SNX1: variants seen among roughly 807,000 people sequenced by gnomAD.
SNX1 encodes the protein sorting nexin-1.
A neutral mutation model predicts 71.8 loss-of-function variants in SNX1; 36 were observed. That is an observed-to-expected ratio of 0.50 (90% CI 0.38 to 0.66). SNX1 has a LOEUF of 0.66. SNX1 is among the 30% of genes least tolerant of loss of function. SNX1 has a pLI of 0.00. For synonymous variants in SNX1, 254 were observed against 240.7 expected, an observed-to-expected ratio of 1.06 and a Z score of -0.51; for missense variants, 612 against 646.7, an observed-to-expected ratio of 0.95 and a Z score of 0.58.
intron 12 of SNX1, chr15:64,135,062 C>T (rs1240282601): frequency 2.2e-6 from 1 of 461,062 alleles, no homozygotes; most frequent in Non-Finnish European, 3.8e-6. Flanking sequence ...GCCTGTAATC[C>T]TAGCACTTTG....
In SNX1 at chr15:64,134,580, G is replaced by A. The variant is rs2081337806; in HGVS notation, c.1222-84G>A. ...CCTTGCTCAGTCTGTCCCTGGTGCA[G>A]CTGCTGGGAGAGCCTGCCTCGAGGC... On this transcript the variant is annotated intron_variant, in intron 11 of 14. Coordinates refer to ENST00000559844, the MANE Select transcript of SNX1 (RefSeq NM_003099.5). This position sits in a 1 kb window ranked among gnomAD's most constrained non-coding sequence, Gnocchi z 4.1. The A allele has an allele frequency of 3.3e-6, 5 of 1,501,380 alleles. No individual in the cohort carries two copies. In the South Asian group the frequency reaches 6.5e-5, roughly 19 times the overall value. 93.0% of individuals were successfully genotyped at this position (1,501,380 alleles called of 1,614,324 possible).
At chr15:64,135,682 C>T (rs1015796952) in intron 12 of SNX1, among the ~76,000 whole-genome samples, 1 of 148,816 alleles carries the variant, frequency 6.7e-6, no homozygotes. Flanking sequence ...TCGCTTGAAC[C>T]TGGGAGGCGA....
Position 64,138,255 on chromosome 15 carries a change from CTT to C in SNX1, c.*638_*639del. 9.1e-6 allele frequency: 13 copies of C among 1,433,450 alleles called. No homozygotes were observed. Among genetic ancestry groups the C allele is most frequent in the Non-Finnish European group, 1.2e-5 (13 of 1,095,542 alleles). 88.8% of individuals were successfully genotyped at this position (1,433,450 alleles called of 1,614,324 possible). A position where few individuals can be genotyped will look rare whatever the true frequency, so the allele number is the denominator to read the frequency against. On this transcript the variant is annotated 3_prime_UTR_variant, in exon 15 of 15. Transcript: ENST00000559844. ...TAGGGAAGGAGTTTTAAAAACATCT[CTT>C]AAAATAAGAGGAGCAAAATCTATTA...
chr15:64,100,604 C>CAA (rs34663775), intron 1 of SNX1, among the ~76,000 whole-genome samples: 1,408 of 101,764 alleles, frequency 0.014, 21 homozygotes, highest in South Asian at 0.021. Flanking sequence ...AACTCCATCT[C>CAA]AAAAAAAAAA....
chr15:64,104,371 C>G (rs1410308525), intron 1 of SNX1, among the ~76,000 whole-genome samples: 3 of 147,286 alleles, frequency 2.0e-5, no homozygotes, highest in Non-Finnish European at 3.0e-5. Context: ...CTCCCGGGTT[C>G]ATGCCATTCT....
intron 9 of SNX1, 64 bp downstream of exon 9, chr15:64,130,093 G>A: frequency 1.4e-6 from 2 of 1,470,840 alleles, no homozygotes; most frequent in South Asian, 1.1e-5. Context: ...AACCCCTAAG[G>A]AGTCCTGAAA....
At chr15:64,130,068 AG>A (rs755671992) in intron 9 of SNX1, 39 bp downstream of exon 9, 1 of 1,535,794 alleles carries the variant, frequency 6.5e-7, no homozygotes, top group South Asian at 1.1e-5. Flanking sequence ...CCTACACCTC[AG>A]GCTTATGGGT....
At position 64,143,522 on chromosome 15, in the gene SNX1, A is replaced by G. The variant is rs2081435271; in HGVS notation, c.*5904A>G. The G allele has an allele frequency of 6.6e-6, 1 of 152,126 alleles. No individual in the cohort carries two copies. The highest frequency in any genetic ancestry group is 1.5e-5 in the Non-Finnish European group (1 of 68,022). 9.4% of individuals were successfully genotyped at this position (152,126 alleles called of 1,614,324 possible). ...TGGCGTTCATACTGTCTGTGAAAGG[A>G]CCCAGCTCACCTTTCCCTCTTTATC... On this transcript the variant is annotated 3_prime_UTR_variant, in exon 15 of 15. Coordinates refer to ENST00000559844, the MANE Select transcript of SNX1 (RefSeq NM_003099.5).
chr15:64,132,582 T>C (rs1390480757), intron 11 of SNX1, among the ~76,000 whole-genome samples: 1 of 152,218 alleles, frequency 6.6e-6, no homozygotes, highest in Admixed American at 6.5e-5. Context: ...AGCTGTCGCA[T>C]GGCCTCCCTA....
At chr15:64,132,011 A>G (rs1314302076) in intron 11 of SNX1, 119 bp downstream of exon 11, 10 of 1,005,960 alleles carry the variant, frequency 9.9e-6, no homozygotes, top group African/African-American at 3.2e-5. Flanking sequence ...CACTTTTTCT[A>G]CTTTTAAGAG....
intron 3 of SNX1, 74 bp downstream of exon 3, chr15:64,118,318 G>A: frequency 1.4e-6 from 2 of 1,467,598 alleles, no homozygotes; most frequent in South Asian, 1.3e-5. Context: ...AAGTGTAGTT[G>A]AGTATGAACC....
At position 64,134,920 on chromosome 15, in the gene SNX1, CTAAA is replaced by C; in HGVS notation, c.1365+114_1365+117del. On this transcript the variant is annotated intron_variant, in intron 12 of 14. Transcript: ENST00000559844. The surrounding 1 kb of genome is among the most constrained non-coding windows in gnomAD (Gnocchi z 4.1). ...ACAGGGGGAAGAGCGCTGATTGAGT[CTAAA>C]GGGCCGTGGCTGCTGAGGAAGCCTC... 1 of 1,378,778 alleles carries C rather than the reference CTAAA, an allele frequency of 7.3e-7. No homozygotes were observed. The highest frequency in any genetic ancestry group is 9.8e-7 in the Non-Finnish European group (1 of 1,019,416). 85.4% of individuals were successfully genotyped at this position (1,378,778 alleles called of 1,614,324 possible).
chr15:64,102,825 G>A (rs1337932922), intron 1 of SNX1, among the ~76,000 whole-genome samples: 1 of 129,408 alleles, frequency 7.7e-6, no homozygotes, highest in Non-Finnish European at 1.6e-5. Context: ...CTGGAGTGCA[G>A]TGGTGCAATC....
At chr15:64,127,309 A>G in intron 7 of SNX1, 57 bp downstream of exon 7, 2 of 1,373,634 alleles carry the variant, frequency 1.5e-6, no homozygotes, top group Non-Finnish European at 1.0e-6. Context: ...AAAGCTGAAA[A>G]GTGAGTCTAA....
At position 64,141,170 on chromosome 15, in the gene SNX1, T is replaced by A. The variant is rs909966285; in HGVS notation, c.*3552T>A. The stretch of plus-strand genomic sequence containing the variant: ...TGTAGGTTTATTCCAGTCTGCCCCC[T>A]TTTCCATGTTGTTAACTCTTTCCTC... On this transcript the variant is annotated 3_prime_UTR_variant, in exon 15 of 15. Coordinates refer to ENST00000559844, the MANE Select transcript of SNX1 (RefSeq NM_003099.5). The surrounding 1 kb of genome is among the most constrained non-coding windows in gnomAD (Gnocchi z 5.1). 1.3e-5 allele frequency: 2 copies of A among 152,258 alleles called. No individual in the cohort carries two copies. The highest frequency in any genetic ancestry group is 4.8e-5 in the African/African-American group (2 of 41,470). The allele number at this position is 152,258 out of a possible 1,614,324, so 9.4% of individuals were successfully genotyped here.
chr15:64,142,269 A>C lies in SNX1; in HGVS notation c.*4651A>C, dbSNP rs1213288935. On this transcript the variant is annotated 3_prime_UTR_variant, in exon 15 of 15. Transcript: ENST00000559844. ...CCTGAGCCCAGGAGGTTGAGGTTGC[A>C]GTGAGCTACAGTTGCGCCACTGCAC... 5.4e-6 allele frequency: 1 copy of C among 183,832 alleles called. No homozygotes were observed. Among genetic ancestry groups the C allele is most frequent in the Non-Finnish European group, 1.1e-5 (1 of 87,770 alleles). 11.4% of individuals were successfully genotyped at this position (183,832 alleles called of 1,614,324 possible). A position where few individuals can be genotyped will look rare whatever the true frequency, so the allele number is the denominator to read the frequency against.
In SNX1 at chr15:64,138,543, A is replaced by G. The variant is rs1378106654; in HGVS notation, c.*925A>G. The stretch of plus-strand genomic sequence containing the variant: ...ATGACTTGATGCTTTGTCTCCATAG[A>G]CATGAAAGCCATGCCCTCTGCCTCT... On this transcript the variant is annotated 3_prime_UTR_variant, in exon 15 of 15. Transcript: ENST00000559844. 4 of 182,444 alleles carry G rather than the reference A, an allele frequency of 2.2e-5. No individual in the cohort carries two copies. The highest frequency in any genetic ancestry group is 1.5e-4 in the East Asian group (1 of 6,868). 11.3% of individuals were successfully genotyped at this position (182,444 alleles called of 1,614,324 possible).
At chr15:64,127,107 A>C (rs1372811126) in intron 6 of SNX1, 67 bp from the exon 7 acceptor site, 37 of 1,179,236 alleles carry the variant, frequency 3.1e-5, no homozygotes, top group Non-Finnish European at 4.1e-5. Flanking sequence ...TTGACACTTA[A>C]AAAAAAAAAA....
intron 1 of SNX1, among the ~76,000 whole-genome samples, chr15:64,103,642 A>G (rs2080987969): frequency 6.6e-6 from 1 of 152,348 alleles, no homozygotes; most frequent in Admixed American, 6.5e-5. Flanking sequence ...ATTGTTAACT[A>G]TAAACAGTTT....
Sources: allele counts gnomAD v4.1 joint callset (sites outside exome capture counted in the v4.1 genomes callset), GRCh38; gene constraint gnomAD v4.1.1; non-coding constraint Gnocchi (gnomAD v3.1); transcripts MANE v1.5; gene names NCBI Gene and HGNC (gene_info 2026-07-23, HGNC 2026-07-21).